Variants in SDK1 observed in about 807,000 individuals in gnomAD.
SDK1 encodes sidekick cell adhesion molecule 1.
SDK1 carries 157 observed loss-of-function variants against 245.5 expected under a neutral mutation model. That is an observed-to-expected ratio of 0.64 (90% CI 0.56 to 0.73). SDK1 has a LOEUF of 0.73. Among genes scored for constraint, SDK1 ranks in the 30% least tolerant of loss-of-function variants. The pLI is 0.00. For synonymous variants in SDK1, 1,647 were observed against 1,278.5 expected, an observed-to-expected ratio of 1.29 and a Z score of -6.15; for missense variants, 3,583 against 3,002.3, an observed-to-expected ratio of 1.19 and a Z score of -4.52.
At chr7:3,619,676 G>C (rs1781873928) in intron 2 of SDK1, among the ~76,000 whole-genome samples, 1 of 152,218 alleles carries the variant, frequency 6.6e-6, no homozygotes, top group African/African-American at 2.4e-5. Flanking sequence ...TTCAAGTGGA[G>C]ATAGGGATGG....
In SDK1 at chr7:4,205,895, G is replaced by A. The variant is rs141895569; in HGVS notation, c.5115G>A (p.Pro1705=). The change falls in exon 36 of 45, where the codon CCG becomes CCA. Residue 1705 remains proline, a synonymous_variant. Coordinates refer to ENST00000404826, the MANE Select transcript of SDK1 (RefSeq NM_152744.4). ...TTTCCTCAGCCCCGGCCATGGCCCC[G>A]CAGAACGTGCAGGTGACCCCACTCA... The part of the protein sequence containing the change: ...FVGEAAPAMA[P]QNVQVTPLTA... 3.1e-4 allele frequency: 488 copies of A among 1,554,998 alleles called. No homozygotes were observed. In the African/African-American group the frequency reaches 5.0e-3, roughly 16 times the overall value.
intron 37 of SDK1, among the ~76,000 whole-genome samples, chr7:4,208,670 C>T (rs948163713): frequency 6.6e-6 from 1 of 152,212 alleles, no homozygotes; most frequent in Non-Finnish European, 1.5e-5. Flanking sequence ...ATGTCCAGAT[C>T]CTTGGGGGTA....
intron 19 of SDK1, among the ~76,000 whole-genome samples, chr7:4,056,611 C>G (rs569084813): frequency 6.6e-6 from 1 of 152,240 alleles, no homozygotes; most frequent in African/African-American, 2.4e-5. Context: ...CCACCACAGA[C>G]TCCTGCAATC....
intron 1 of SDK1, among the ~76,000 whole-genome samples, chr7:3,303,023 T>A (rs1397071821): frequency 6.6e-6 from 1 of 152,174 alleles, no homozygotes; most frequent in African/African-American, 2.4e-5. Context: ...TACTTTTTTT[T>A]ATTGATGCTT....
At chr7:4,248,752 T>C (rs28617651) in intron 44 of SDK1, among the ~76,000 whole-genome samples, 1 of 151,802 alleles carries the variant, frequency 6.6e-6, no homozygotes, top group South Asian at 2.1e-4. Context: ...ATGCAAAAAT[T>C]TGCATGTGCA....
At chr7:3,691,615 TCTAC>T (rs1258269122) in intron 4 of SDK1, among the ~76,000 whole-genome samples, 2 of 131,546 alleles carry the variant, frequency 1.5e-5, no homozygotes, top group African/African-American at 5.8e-5. Context: ...AATATGATTA[TCTAC>T]CATGATGCAT....
Position 3,889,733 on chromosome 7 carries a change from C to T in SDK1, c.848-61190C>T, listed in dbSNP as rs1284623430. Reference sequence around the variant, plus strand: ...TCGTGTTAGCCAGGATGGTCTCAATCTCCTGACCTCGTGATCCACCCTCCT... The same window carrying T: ...TCGTGTTAGCCAGGATGGTCTCAATTTCCTGACCTCGTGATCCACCCTCCT... On this transcript the variant is annotated intron_variant, in intron 5 of 44. Transcript: ENST00000404826. 4.6e-5 allele frequency among the ~76,000 whole-genome samples: 7 copies of T among 152,264 alleles called. No homozygotes were observed. In the East Asian group the frequency reaches 1.2e-3, roughly 25 times the overall value.
chr7:3,730,388 A>G (rs1267004041), intron 4 of SDK1, among the ~76,000 whole-genome samples: 6 of 152,182 alleles, frequency 3.9e-5, no homozygotes, highest in African/African-American at 1.4e-4. Flanking sequence ...AAGCCAGTGA[A>G]TAGAACTTTG....
chr7:4,268,031 G>GA lies in SDK1; in HGVS notation c.*2647_*2648insA. ...GAAAATCACAGCCTAGGAAGATGGA[G>GA]GTTGGATTTTAATCTCGGTTTTAAA... On this transcript the variant is annotated 3_prime_UTR_variant, in exon 45 of 45. Coordinates refer to ENST00000404826, the MANE Select transcript of SDK1 (RefSeq NM_152744.4). 1.0e-6 allele frequency: 1 copy of GA among 985,440 alleles called. No individual in the cohort carries two copies. Among genetic ancestry groups the GA allele is most frequent in the Non-Finnish European group, 1.2e-6 (1 of 829,926 alleles). The allele number at this position is 985,440 out of a possible 1,614,324, so 61.0% of individuals were successfully genotyped here. A position where few individuals can be genotyped will look rare whatever the true frequency, so the allele number is the denominator to read the frequency against.
In SDK1 at chr7:4,110,738, G is replaced by A. The variant is rs373096265; in HGVS notation, c.3400G>A (p.Glu1134Lys). Residue 1134 changes from glutamate to lysine, a missense_variant, in exon 23 of 45, where the codon GAG (glutamate) becomes AAG (lysine). Glu to Lys is a moderately conservative substitution (Grantham distance 56). Coordinates refer to ENST00000404826, the MANE Select transcript of SDK1 (RefSeq NM_152744.4). Reference protein sequence around the residue: ...EENEPDAQMLEIPNLTPYTHY... With the variant: ...EENEPDAQMLKIPNLTPYTHY... The stretch of plus-strand genomic sequence containing the variant: ...GAATGAGCCTGATGCCCAGATGCTG[G>A]AGATCCCAAACCTCACACCCTACAC... 6 of 1,613,744 alleles carry A rather than the reference G, an allele frequency of 3.7e-6. No homozygotes were observed. The African/African-American group carries it at 8.0e-5, about 22-fold the overall frequency.
Position 3,613,789 on chromosome 7 carries a change from G to C in SDK1, c.299-5291G>C, listed in dbSNP as rs909299778. Among the ~76,000 whole-genome samples, 11 of 151,818 alleles carry C rather than the reference G, an allele frequency of 7.2e-5. No individual in the cohort carries two copies. The South Asian group carries it at 8.3e-4, about 11-fold the overall frequency. On this transcript the variant is annotated intron_variant, in intron 1 of 44. Transcript: ENST00000404826. ...GTACATATACACCATGGAATACTACGCAGCCATAAAAACTATGCAGATCAT... is the reference window on the plus strand; with the variant it reads ...GTACATATACACCATGGAATACTACCCAGCCATAAAAACTATGCAGATCAT...
At position 4,015,769 on chromosome 7, in the gene SDK1, C is replaced by G. The variant is rs184975600; in HGVS notation, c.2421-1402C>G. 1.5e-3 allele frequency among the ~76,000 whole-genome samples: 225 copies of G among 152,334 alleles called. 1 individual carries two copies. Among genetic ancestry groups the G allele is most frequent in the African/African-American group, 5.2e-3 (217 of 41,572 alleles). ...TCCCACCAGGCAAGCCCAGAGGCCA[C>G]TTGCTCCTTTCAGGCAAGAGACAGA... On this transcript the variant is annotated intron_variant, in intron 16 of 44. Transcript: ENST00000404826.
chr7:3,520,352 CTGTT>C (rs1378524373), intron 1 of SDK1, among the ~76,000 whole-genome samples: 2 of 152,158 alleles, frequency 1.3e-5, no homozygotes, highest in African/African-American at 4.8e-5. Flanking sequence ...GTGCAGCTCT[CTGTT>C]TGCTCTATTG....
At chr7:3,628,510 A>T (rs555262797) in intron 2 of SDK1, among the ~76,000 whole-genome samples, 5 of 151,624 alleles carry the variant, frequency 3.3e-5, no homozygotes, top group Admixed American at 2.0e-4. Context: ...TGCATGTTTG[A>T]CTCTTCTTTG....
chr7:3,728,797 G>A lies in SDK1; in HGVS notation c.713+86692G>A, dbSNP rs542174125. Among the ~76,000 whole-genome samples the A allele has an allele frequency of 2.6e-5, 4 of 152,160 alleles. 1 individual carries two copies. The South Asian group carries it at 6.2e-4, about 24-fold the overall frequency. Reference sequence around the variant, plus strand: ...ATTTTTGTATTTTTAGTAGAGGCGGGGTTTCACCATGTTGGTCAGGCTGGT... The same window carrying A: ...ATTTTTGTATTTTTAGTAGAGGCGGAGTTTCACCATGTTGGTCAGGCTGGT... On this transcript the variant is annotated intron_variant, in intron 4 of 44. Coordinates refer to ENST00000404826, the MANE Select transcript of SDK1 (RefSeq NM_152744.4).
At chr7:3,590,634 A>G (rs150924008) in intron 1 of SDK1, among the ~76,000 whole-genome samples, 45 of 152,296 alleles carry the variant, frequency 3.0e-4, no homozygotes, top group African/African-American at 1.0e-3. Flanking sequence ...AAATAACTGT[A>G]TGTGGTATCC....
chr7:3,560,651 A>G (rs753444260), intron 1 of SDK1, among the ~76,000 whole-genome samples: 2 of 152,166 alleles, frequency 1.3e-5, no homozygotes, highest in Non-Finnish European at 2.9e-5. Flanking sequence ...CTGTAAAAAC[A>G]TCAGAGCAGG....
intron 1 of SDK1, among the ~76,000 whole-genome samples, chr7:3,450,718 A>G (rs1451719140): frequency 6.6e-6 from 1 of 152,124 alleles, no homozygotes; most frequent in Admixed American, 6.6e-5. Flanking sequence ...TCATGTGAAA[A>G]GAGTTGGAGA....
chr7:3,443,026 C>T (rs767810082), intron 1 of SDK1, among the ~76,000 whole-genome samples: 2 of 151,476 alleles, frequency 1.3e-5, no homozygotes, highest in African/African-American at 2.4e-5. Context: ...AACACAATAC[C>T]CTATCCATAT....
Sources: allele counts gnomAD v4.1 joint callset (sites outside exome capture counted in the v4.1 genomes callset), GRCh38; gene constraint gnomAD v4.1.1; transcripts MANE v1.5; gene names NCBI Gene and HGNC (gene_info 2026-07-23, HGNC 2026-07-21).